Variants in ACBD6 observed in about 807,000 individuals in gnomAD.
ACBD6 encodes acyl-CoA-binding domain-containing protein 6.
A neutral mutation model predicts 37.2 loss-of-function variants in ACBD6; 28 were observed. That is an observed-to-expected ratio of 0.75 (90% confidence interval 0.56 to 1.03). ACBD6 has a LOEUF of 1.03. ACBD6 is among the 50% of genes least tolerant of loss of function. The pLI, the probability that ACBD6 is intolerant of heterozygous loss-of-function variation, is 0.00. For missense variants in ACBD6, 340 were observed against 337.4 expected, an observed-to-expected ratio of 1.01 and a Z score of -0.06; for synonymous variants, 113 against 126.8, an observed-to-expected ratio of 0.89 and a Z score of 0.73.
chr1:180,478,240 TA>T (rs1181836349), intron 3 of ACBD6, among the ~76,000 whole-genome samples: 2 of 152,166 alleles, frequency 1.3e-5, no homozygotes, highest in Non-Finnish European at 2.9e-5. Context: ...TAAGTACAGC[TA>T]AAAAATAATT....
rs79325084 is a variant in ACBD6, at chr1:180,339,757, C to CA, written c.664-25036dup. The stretch of plus-strand genomic sequence containing the variant: ...ACTGTTCTAAGGACAGCAAACAAGA[C>CA]AAAAATCTCGCCCTAATTGGGAGAG... On this transcript the variant is annotated intron_variant, in intron 6 of 7. Transcript: ENST00000367595. Among the ~76,000 whole-genome samples the CA allele has an allele frequency of 0.025, 3,779 of 151,816 alleles. 360 individuals carry two copies. In the East Asian group the frequency reaches 0.29, roughly 12 times the overall value.
At chr1:180,489,299 G>A (rs1651396263) in intron 3 of ACBD6, among the ~76,000 whole-genome samples, 1 of 151,298 alleles carries the variant, frequency 6.6e-6, no homozygotes, top group African/African-American at 2.4e-5. Context: ...CTTCTGAGAT[G>A]GAGGTTATGA....
At chr1:180,353,436 C>A (rs202073163) in intron 6 of ACBD6, among the ~76,000 whole-genome samples, 115 of 152,226 alleles carry the variant, frequency 7.6e-4, no homozygotes, top group African/African-American at 2.7e-3. Context: ...TCATAGAAGA[C>A]AACTGCAACT....
intron 1 of ACBD6, among the ~76,000 whole-genome samples, chr1:180,498,279 G>T (rs1571587229): frequency 6.6e-6 from 1 of 152,106 alleles, no homozygotes; most frequent in Non-Finnish European, 1.5e-5. Flanking sequence ...TGTTATTACT[G>T]GCAACAAACA....
At chr1:180,486,046 C>G (rs1651251897) in intron 3 of ACBD6, among the ~76,000 whole-genome samples, 1 of 152,036 alleles carries the variant, frequency 6.6e-6, no homozygotes, top group South Asian at 2.1e-4. Context: ...AGGCAATCTA[C>G]TATGAGCCCC....
At chr1:180,431,214 C>T (rs556937546) in intron 3 of ACBD6, among the ~76,000 whole-genome samples, 2 of 151,584 alleles carry the variant, frequency 1.3e-5, no homozygotes, top group Non-Finnish European at 1.5e-5. Context: ...GGAAAAAGAC[C>T]CCCTTCCCCG....
At position 180,393,359 on chromosome 1, in the gene ACBD6, A is replaced by T. The variant is rs964385664; in HGVS notation, c.663+4157T>A. ...CTGAAGGGTAAAAAATGACAGGAAA[A>T]CACAGAGTAGACTTTGACATATCTC... On this transcript the variant is annotated intron_variant, in intron 6 of 7. Coordinates refer to ENST00000367595, the MANE Select transcript of ACBD6 (RefSeq NM_032360.4). Among the ~76,000 whole-genome samples the T allele has an allele frequency of 2.6e-5, 4 of 152,228 alleles. 1 individual carries two copies. In the South Asian group the frequency reaches 8.3e-4, roughly 31 times the overall value.
chr1:180,332,431 G>A (rs997295018), intron 6 of ACBD6, among the ~76,000 whole-genome samples: 2 of 152,132 alleles, frequency 1.3e-5, no homozygotes, highest in African/African-American at 4.8e-5. Flanking sequence ...AGCTTCATCT[G>A]TATTTACAGT....
At chr1:180,435,325 T>A in intron 3 of ACBD6, 1 of 445,732 alleles carries the variant, frequency 2.2e-6, no homozygotes. Context: ...CTCAGCTCAC[T>A]GCAAGCTCCG....
At chr1:180,380,712 A>G (rs1161074436) in intron 6 of ACBD6, among the ~76,000 whole-genome samples, 1 of 152,196 alleles carries the variant, frequency 6.6e-6, no homozygotes, top group Non-Finnish European at 1.5e-5. Context: ...CTGGTGGAGC[A>G]AACACACAAA....
chr1:180,478,742 C>T (rs1156846494), intron 3 of ACBD6, among the ~76,000 whole-genome samples: 1 of 152,116 alleles, frequency 6.6e-6, no homozygotes, highest in African/African-American at 2.4e-5. Context: ...CCTTGGCCTC[C>T]CAAAGTGCTG....
intron 3 of ACBD6, among the ~76,000 whole-genome samples, chr1:180,480,814 T>C (rs532006078): frequency 6.6e-6 from 1 of 152,020 alleles, no homozygotes; most frequent in African/African-American, 2.4e-5. Flanking sequence ...GTGGATGACT[T>C]GAGGTCAGGA....
chr1:180,320,610 G>C (rs1189430252), intron 6 of ACBD6, among the ~76,000 whole-genome samples: 1 of 152,156 alleles, frequency 6.6e-6, no homozygotes, highest in Non-Finnish European at 1.5e-5. Flanking sequence ...CTGCACTCCA[G>C]CCTGGGTGAC....
intron 1 of ACBD6, among the ~76,000 whole-genome samples, chr1:180,501,448 C>G (rs1571591520): frequency 6.6e-6 from 1 of 152,196 alleles, no homozygotes; most frequent in African/African-American, 2.4e-5. Context: ...CCTCCTCAGC[C>G]TCCCGAGTAG....
chr1:180,338,257 A>C (rs941843030), intron 6 of ACBD6, among the ~76,000 whole-genome samples: 13 of 152,208 alleles, frequency 8.5e-5, no homozygotes, highest in African/African-American at 2.2e-4. Flanking sequence ...AAGCTGGAGG[A>C]ATCACACTAC....
chr1:180,295,773 G>T (rs544359269), intron 7 of ACBD6, among the ~76,000 whole-genome samples: 26 of 152,122 alleles, frequency 1.7e-4, no homozygotes, highest in Admixed American at 4.6e-4. Context: ...AATGTTTTAT[G>T]TGTTCTGACT....
intron 3 of ACBD6, among the ~76,000 whole-genome samples, chr1:180,434,211 A>G (rs1283469255): frequency 6.6e-6 from 1 of 152,164 alleles, no homozygotes; most frequent in Non-Finnish European, 1.5e-5. Flanking sequence ...ATTAAAACAG[A>G]GATCTCACAA....
chr1:180,364,266 T>C (rs1165642707), intron 6 of ACBD6, among the ~76,000 whole-genome samples: 1 of 152,236 alleles, frequency 6.6e-6, no homozygotes, highest in Non-Finnish European at 1.5e-5. Flanking sequence ...GGCAGACACC[T>C]TGCCTTTGAT....
chr1:180,431,579 G>T (rs1346472795), intron 3 of ACBD6, among the ~76,000 whole-genome samples: 1 of 152,074 alleles, frequency 6.6e-6, no homozygotes, highest in Non-Finnish European at 1.5e-5. Context: ...TGATATTTTT[G>T]ACTTATAATA....
Sources: allele counts gnomAD v4.1 joint callset (sites outside exome capture counted in the v4.1 genomes callset), GRCh38; gene constraint gnomAD v4.1.1; transcripts MANE v1.5; gene names NCBI Gene and HGNC (gene_info 2026-07-23, HGNC 2026-07-21).